B3GALT1: variants seen among roughly 807,000 people sequenced by gnomAD.
B3GALT1 encodes the protein UDP-Gal:betaGlcNAc beta 1,3-galactosyltransferase, polypeptide 1.
B3GALT1 carries 10 observed loss-of-function variants against 23.2 expected under a neutral mutation model. That is an observed-to-expected ratio of 0.43 (90% CI 0.27 to 0.73). The LOEUF (loss-of-function observed/expected upper bound fraction) is 0.73, where lower values mean the gene tolerates loss of function less well. Among genes scored for constraint, B3GALT1 ranks in the 30% least tolerant of loss-of-function variants. The probability of loss-of-function intolerance (pLI) is 0.21; values close to 1 mark genes in which losing one functional copy is unlikely to be tolerated. For synonymous variants in B3GALT1, 156 were observed against 141.5 expected (o/e 1.10, Z -0.73); for missense variants, 299 against 405.4 (o/e 0.74, Z 2.25).
chr2:167,617,425 T>C (rs1685179766), intron 2 of B3GALT1, among the ~76,000 whole-genome samples: 1 of 151,992 alleles, frequency 6.6e-6, no homozygotes, highest in Admixed American at 6.6e-5. Context: ...AGTCACCCCC[T>C]GGAGCTGGGA....
Position 167,739,116 on chromosome 2 carries a change from A to G in B3GALT1, c.-351-79556A>G, listed in dbSNP as rs375560316. 3.9e-5 allele frequency among the ~76,000 whole-genome samples: 6 copies of G among 152,188 alleles called. No individual in the cohort carries two copies. In the East Asian group the frequency reaches 1.2e-3, roughly 29 times the overall value. ...TGATATTCTTTCAGCTGCCTTAGCT[A>G]TAAGAATTGGAATTGTGTAATGAAA... On this transcript the variant is annotated intron_variant, in intron 3 of 4. Coordinates refer to ENST00000392690, the MANE Select transcript of B3GALT1 (RefSeq NM_020981.4).
At chr2:167,563,951 G>GGT (rs1375801952) in intron 2 of B3GALT1, among the ~76,000 whole-genome samples, 2 of 134,058 alleles carry the variant, frequency 1.5e-5, no homozygotes, top group Non-Finnish European at 3.2e-5. Flanking sequence ...GCCAGGCGGG[G>GGT]CCGACCCCCC....
intron 3 of B3GALT1, among the ~76,000 whole-genome samples, chr2:167,752,374 A>G (rs1165370052): frequency 6.6e-6 from 1 of 152,204 alleles, no homozygotes; most frequent in Non-Finnish European, 1.5e-5. Flanking sequence ...AATGAAAGTA[A>G]AGGAGAATAC....
chr2:167,701,730 G>C (rs551005112), intron 3 of B3GALT1, among the ~76,000 whole-genome samples: 43 of 152,246 alleles, frequency 2.8e-4, no homozygotes, highest in African/African-American at 9.9e-4. Context: ...ATGCAGTATG[G>C]AAGGCTATCT....
intron 1 of B3GALT1, among the ~76,000 whole-genome samples, chr2:167,369,505 C>G (rs576457563): frequency 1.8e-4 from 28 of 152,272 alleles, no homozygotes; most frequent in Admixed American, 9.8e-4. Flanking sequence ...AAGTATTACA[C>G]TGAGTAAACT....
chr2:167,770,929 TTTC>T (rs1688062060), intron 3 of B3GALT1, among the ~76,000 whole-genome samples: 1 of 152,208 alleles, frequency 6.6e-6, no homozygotes, highest in East Asian at 1.9e-4. Context: ...CTATCTCCAT[TTTC>T]GATAGCAGCT....
At chr2:167,316,148 TG>T (rs1331400236) in intron 1 of B3GALT1, among the ~76,000 whole-genome samples, 1 of 152,176 alleles carries the variant, frequency 6.6e-6, no homozygotes. Context: ...GGGTATTTGG[TG>T]CAAAAGGTGC....
At chr2:167,522,667 T>C (rs1265562240) in intron 2 of B3GALT1, among the ~76,000 whole-genome samples, 1 of 152,210 alleles carries the variant, frequency 6.6e-6, no homozygotes, top group Non-Finnish European at 1.5e-5. Context: ...CTATTGAAAG[T>C]TAAACAGTGT....
At chr2:167,648,646 T>G (rs1477849210) in intron 3 of B3GALT1, among the ~76,000 whole-genome samples, 1 of 152,180 alleles carries the variant, frequency 6.6e-6, no homozygotes, top group Non-Finnish European at 1.5e-5. Flanking sequence ...TCAAGCTAAG[T>G]GGGTGCTTTT....
At chr2:167,844,804 A>ACCAAGCCT (rs1440151924) in intron 4 of B3GALT1, among the ~76,000 whole-genome samples, 4 of 152,214 alleles carry the variant, frequency 2.6e-5, no homozygotes, top group African/African-American at 4.8e-5. Flanking sequence ...CAGGAAAAGA[A>ACCAAGCCT]CCAAGCCTTG....
intron 2 of B3GALT1, among the ~76,000 whole-genome samples, chr2:167,589,407 A>T (rs764967780): frequency 2.6e-5 from 4 of 152,146 alleles, no homozygotes; most frequent in Non-Finnish European, 4.4e-5. Context: ...CCCTACTCCA[A>T]GTATTAATAA....
intron 1 of B3GALT1, among the ~76,000 whole-genome samples, chr2:167,417,918 C>G (rs1698493939): frequency 6.6e-6 from 1 of 152,174 alleles, no homozygotes; most frequent in Non-Finnish European, 1.5e-5. Context: ...ATAGCACAAT[C>G]AGTTGAATAT....
chr2:167,522,352 GTTCT>G (rs1031651052), intron 2 of B3GALT1, among the ~76,000 whole-genome samples: 38 of 152,082 alleles, frequency 2.5e-4, no homozygotes, highest in South Asian at 6.2e-4. Flanking sequence ...TCCCAGCTTT[GTTCT>G]TTCTTTATTT....
chr2:167,513,091 A>AAG (rs1700052263), intron 2 of B3GALT1, among the ~76,000 whole-genome samples: 2 of 146,204 alleles, frequency 1.4e-5, no homozygotes, highest in African/African-American at 5.1e-5. Flanking sequence ...AAAAAAAAAA[A>AAG]GTGGAATCAC....
At chr2:167,742,156 A>G (rs1687586319) in intron 3 of B3GALT1, among the ~76,000 whole-genome samples, 1 of 152,190 alleles carries the variant, frequency 6.6e-6, no homozygotes, top group South Asian at 2.1e-4. Context: ...TCACTTTACT[A>G]TATCAGTGTT....
intron 2 of B3GALT1, among the ~76,000 whole-genome samples, chr2:167,532,419 A>G (rs759114473): frequency 2.0e-5 from 3 of 152,204 alleles, no homozygotes; most frequent in Non-Finnish European, 4.4e-5. Flanking sequence ...TTTATAGGCA[A>G]TACTGTTATA....
At chr2:167,572,843 G>T (rs570849133) in intron 2 of B3GALT1, among the ~76,000 whole-genome samples, 1 of 151,742 alleles carries the variant, frequency 6.6e-6, no homozygotes, top group Non-Finnish European at 1.5e-5. Context: ...GTAGGTTGGT[G>T]AGAGATGCTG....
intron 1 of B3GALT1, among the ~76,000 whole-genome samples, chr2:167,312,626 TG>T (rs1696650302): frequency 6.6e-6 from 1 of 152,076 alleles, no homozygotes; most frequent in Non-Finnish European, 1.5e-5. Context: ...AAATACAGAT[TG>T]ATTACATGGT....
At chr2:167,315,728 A>G (rs1490817629) in intron 1 of B3GALT1, among the ~76,000 whole-genome samples, 1 of 152,166 alleles carries the variant, frequency 6.6e-6, no homozygotes, top group Non-Finnish European at 1.5e-5. Flanking sequence ...CATCTCACAG[A>G]CCTGACTTCA....
Sources: gnomAD v4.1 joint callset for allele counts (sites outside exome capture counted in the v4.1 genomes callset) on GRCh38, gnomAD v4.1.1 for gene constraint, MANE v1.5 for transcripts, NCBI Gene and HGNC (gene_info 2026-07-23, HGNC 2026-07-21) for gene names.